MYO5A: variants seen among roughly 807,000 people sequenced by gnomAD.
MYO5A encodes unconventional myosin-Va.
A neutral mutation model predicts 249.7 loss-of-function variants in MYO5A; 98 were observed. That is an observed-to-expected ratio of 0.39 (90% CI 0.33 to 0.46). The LOEUF (loss-of-function observed/expected upper bound fraction) is 0.46, where lower values mean the gene tolerates loss of function less well. Among genes scored for constraint, MYO5A ranks in the 20% least tolerant of loss-of-function variants. The pLI is 0.98. For synonymous variants in MYO5A, 778 were observed against 810.6 expected (o/e 0.96, Z 0.68); for missense variants, 1,696 against 2,308.8 (o/e 0.73, Z 5.44).
rs929307360 is a variant in MYO5A at position 52,432,151 on chromosome 15, T to C, written c.138+1024A>G. 5.3e-5 allele frequency among the ~76,000 whole-genome samples: 8 copies of C among 152,094 alleles called. No homozygotes were observed. The East Asian group carries it at 7.7e-4, about 15-fold the overall frequency. On this transcript the variant is annotated intron_variant, in intron 2 of 41. Transcript: ENST00000399233. ...TAAATAAATGGGAGAGGAGAAACAA[T>C]ACTTCCTTCCCTATAGAAGAATTCT... is the stretch of plus-strand genomic sequence containing the variant.
chr15:52,403,087 G>C (rs990513514), intron 9 of MYO5A, among the ~76,000 whole-genome samples: 6 of 152,074 alleles, frequency 3.9e-5, no homozygotes, highest in African/African-American at 7.2e-5. Context: ...TCTCAAATAG[G>C]AAAACAGTAC....
At chr15:52,457,523 TA>T (rs1567143900) in intron 1 of MYO5A, among the ~76,000 whole-genome samples, 1 of 151,772 alleles carries the variant, frequency 6.6e-6, no homozygotes, top group Non-Finnish European at 1.5e-5. Flanking sequence ...TCAACACCAC[TA>T]ATCATCAGAA....
At chr15:52,415,926 G>A in intron 5 of MYO5A, 1 of 594,156 alleles carries the variant, frequency 1.7e-6, no homozygotes, top group South Asian at 2.0e-5. Flanking sequence ...CAGGATTATA[G>A]ACTAAAACAG....
intron 1 of MYO5A, among the ~76,000 whole-genome samples, chr15:52,434,296 C>T (rs1377634166): frequency 1.3e-5 from 2 of 152,154 alleles, no homozygotes; most frequent in Non-Finnish European, 2.9e-5. Flanking sequence ...CCGTGCCCGG[C>T]CCACAATTTG....
chr15:52,390,139 G>C (rs570037137), intron 12 of MYO5A, among the ~76,000 whole-genome samples: 1 of 152,318 alleles, frequency 6.6e-6, no homozygotes. Flanking sequence ...CCAGAGGCTA[G>C]GAAGGGTAGC....
intron 5 of MYO5A, among the ~76,000 whole-genome samples, chr15:52,413,497 G>A (rs8030535): frequency 0.19 from 29,508 of 152,034 alleles, 3,622 homozygotes; most frequent in East Asian, 0.55. Flanking sequence ...TTAGACCCTG[G>A]ATTGTAATGT....
intron 1 of MYO5A, among the ~76,000 whole-genome samples, chr15:52,506,733 G>T (rs1056108519): frequency 3.3e-5 from 5 of 152,210 alleles, no homozygotes; most frequent in Middle Eastern, 3.4e-3. Flanking sequence ...TACACAGGTG[G>T]CTGAGGTGTG....
chr15:52,527,312 T>C (rs533960575), intron 1 of MYO5A, among the ~76,000 whole-genome samples: 4 of 152,224 alleles, frequency 2.6e-5, no homozygotes, highest in Admixed American at 6.5e-5. Flanking sequence ...ACCTGGCACA[T>C]AGCAAGCACC....
intron 3 of MYO5A, among the ~76,000 whole-genome samples, chr15:52,426,456 C>T (rs2075396506): frequency 6.6e-6 from 1 of 151,958 alleles, no homozygotes; most frequent in African/African-American, 2.4e-5. Context: ...GCCACTACCA[C>T]CAATCATGTT....
intron 1 of MYO5A, among the ~76,000 whole-genome samples, chr15:52,449,391 C>T (rs1405210212): frequency 2.6e-5 from 4 of 152,180 alleles, no homozygotes; most frequent in African/African-American, 9.7e-5. Context: ...TTGCATTCAA[C>T]CCTCTTAACA....
At chr15:52,412,685 G>A (rs1274994232) in intron 5 of MYO5A, among the ~76,000 whole-genome samples, 2 of 152,162 alleles carry the variant, frequency 1.3e-5, no homozygotes, top group African/African-American at 4.8e-5. Flanking sequence ...GTATTCACAA[G>A]AGACTCCCTA....
chr15:52,372,210 C>T lies in MYO5A; in HGVS notation c.2731G>A (p.Glu911Lys), dbSNP rs776356251. 1.2e-6 allele frequency: 2 copies of T among 1,613,596 alleles called. No homozygotes were observed. The highest frequency in any genetic ancestry group is 8.5e-7 in the Non-Finnish European group (1 of 1,180,022). ...TTATAGCGCTCCACTGAGCGAGCCTCGATTTTGAGCTTCTTTAGCTCACGC... is the reference window on the plus strand; with the variant it reads ...TTATAGCGCTCCACTGAGCGAGCCTTGATTTTGAGCTTCTTTAGCTCACGC... ...AKRELKKLKI[E>K]ARSVERYKKL... The change falls in exon 21 of 42, where the codon GAG becomes AAG. Residue 911 changes from glutamate to lysine, a missense_variant. This residue lies in a region of MYO5A where 412 missense variants were observed against 453.3 expected (regional missense o/e 0.91). Transcript: ENST00000399233.
intron 1 of MYO5A, among the ~76,000 whole-genome samples, chr15:52,441,694 T>C (rs954279592): frequency 1.3e-5 from 2 of 151,394 alleles, no homozygotes; most frequent in Non-Finnish European, 3.0e-5. Flanking sequence ...TTTTCCTGAC[T>C]TCTTCTCCTC....
intron 1 of MYO5A, among the ~76,000 whole-genome samples, chr15:52,469,986 T>C (rs2076426344): frequency 6.6e-6 from 1 of 152,218 alleles, no homozygotes; most frequent in Non-Finnish European, 1.5e-5. Context: ...ATGATTTCCT[T>C]GATTGGCACT....
At chr15:52,499,882 C>A (rs11855352) in intron 1 of MYO5A, among the ~76,000 whole-genome samples, 22,816 of 151,876 alleles carry the variant, frequency 0.15, 1,821 homozygotes, top group Middle Eastern at 0.22. Context: ...TGGTAATTAT[C>A]AGTTTAATTT....
chr15:52,311,508 T>C lies in MYO5A; in HGVS notation c.*2188A>G, dbSNP rs912903168. On this transcript the variant is annotated 3_prime_UTR_variant, in exon 42 of 42. Coordinates refer to ENST00000399233, the MANE Select transcript of MYO5A (RefSeq NM_001382347.1). ...GATACTGCAAATAAATAAATAAATG[T>C]ATTCAAACTGAATAAAGCAATACAT... 1 of 152,212 alleles carries C rather than the reference T, an allele frequency of 6.6e-6. No individual in the cohort carries two copies. Among genetic ancestry groups the C allele is most frequent in the African/African-American group, 2.4e-5 (1 of 41,440 alleles). The allele number at this position is 152,212 out of a possible 1,614,324, so 9.4% of individuals were successfully genotyped here. A position where few individuals can be genotyped will look rare whatever the true frequency, so the allele number is the denominator to read the frequency against.
intron 1 of MYO5A, among the ~76,000 whole-genome samples, chr15:52,443,392 A>AT (rs1328631287): frequency 1.3e-5 from 2 of 152,188 alleles, no homozygotes; most frequent in African/African-American, 4.8e-5. Context: ...TAAAATTTTT[A>AT]TTTTTTTGCT....
Position 52,407,984 on chromosome 15 carries a change from T to C in MYO5A, c.838+75A>G. 5.9e-6 allele frequency: 6 copies of C among 1,020,362 alleles called. 1 individual carries two copies. Among genetic ancestry groups the C allele is most frequent in the South Asian group, 3.9e-5 (3 of 76,002 alleles). 63.2% of individuals were successfully genotyped at this position (1,020,362 alleles called of 1,614,324 possible). A position where few individuals can be genotyped will look rare whatever the true frequency, so the allele number is the denominator to read the frequency against. On this transcript the variant is annotated intron_variant, in intron 7 of 41. Transcript: ENST00000399233. ...TTCCAACATGAGATAAGCTCCTTTT[T>C]AACAAGTAAATTTAGGAACTTGGAA...
chr15:52,380,958 T>A (rs766603978), intron 16 of MYO5A, among the ~76,000 whole-genome samples: 65 of 152,348 alleles, frequency 4.3e-4, no homozygotes, highest in Admixed American at 6.5e-4. Flanking sequence ...TATATTTTTT[T>A]AAAAATTACT....
Sources: allele counts gnomAD v4.1 joint callset (sites outside exome capture counted in the v4.1 genomes callset), GRCh38; gene constraint gnomAD v4.1.1; regional missense constraint gnomAD v4.1.1; transcripts MANE v1.5; gene names NCBI Gene and HGNC (gene_info 2026-07-23, HGNC 2026-07-21).